MB21D2: variants seen among roughly 807,000 people sequenced by gnomAD.
The protein encoded by MB21D2 is Mab-21 domain containing 2.
MB21D2 carries 9 observed loss-of-function variants against 33.3 expected under a neutral mutation model. The observed-to-expected ratio is 0.27, with a 90% CI of 0.16 to 0.47. The LOEUF (loss-of-function observed/expected upper bound fraction) is 0.47, where lower values mean the gene tolerates loss of function less well. Ranked by LOEUF, MB21D2 falls within the 20% of genes least tolerant of loss-of-function variation. The pLI, the probability that MB21D2 is intolerant of heterozygous loss-of-function variation, is 0.99. For missense variants in MB21D2, 540 were observed against 624.6 expected, an observed-to-expected ratio of 0.86 and a Z score of 1.44; for synonymous variants, 241 against 236.3, an observed-to-expected ratio of 1.02 and a Z score of -0.18.
At chr3:192,822,017 C>G (rs137972772) in intron 1 of MB21D2, among the ~76,000 whole-genome samples, 1 of 152,240 alleles carries the variant, frequency 6.6e-6, no homozygotes, top group African/African-American at 2.4e-5. Context: ...ACCTGTGAAC[C>G]CAGGCATTAT....
chr3:192,799,967 A>C lies in MB21D2; in HGVS notation c.212-317T>G, dbSNP rs1168583780. On this transcript the variant is annotated intron_variant, in intron 1 of 1. Transcript: ENST00000392452. This position sits in a 1 kb window ranked among gnomAD's most constrained non-coding sequence, Gnocchi z 4.1. ...GGAATTGCCATCCACTCAGTTATGC[A>C]GACTGAAAACCTCAGTACATTTCAA... is the stretch of plus-strand genomic sequence containing the variant. Among the ~76,000 whole-genome samples the C allele has an allele frequency of 6.6e-6, 1 of 152,208 alleles. No homozygotes were observed. The highest frequency in any genetic ancestry group is 2.4e-5 in the African/African-American group (1 of 41,456).
intron 1 of MB21D2, among the ~76,000 whole-genome samples, chr3:192,907,307 C>T (rs548480037): frequency 6.6e-6 from 1 of 151,878 alleles, no homozygotes; most frequent in East Asian, 1.9e-4. Flanking sequence ...ACTCATTCCA[C>T]TCTCAGTCAG....
chr3:192,827,118 G>A (rs544788483), intron 1 of MB21D2, among the ~76,000 whole-genome samples: 8 of 151,902 alleles, frequency 5.3e-5, no homozygotes, highest in African/African-American at 1.9e-4. Context: ...GGATGGTCTC[G>A]ATCTCCTGAC....
At chr3:192,900,111 C>T (rs1410271646) in intron 1 of MB21D2, among the ~76,000 whole-genome samples, 3 of 151,548 alleles carry the variant, frequency 2.0e-5, no homozygotes, top group Admixed American at 6.6e-5. Flanking sequence ...AGTGAAACCC[C>T]GTCTCTACTA....
At chr3:192,847,001 C>A (rs1386182741) in intron 1 of MB21D2, among the ~76,000 whole-genome samples, 1 of 152,138 alleles carries the variant, frequency 6.6e-6, no homozygotes, top group Non-Finnish European at 1.5e-5. Context: ...TATCTACAGG[C>A]AGCAATTAGA....
intron 1 of MB21D2, among the ~76,000 whole-genome samples, chr3:192,826,540 T>A (rs1292281768): frequency 6.6e-6 from 1 of 152,240 alleles, no homozygotes; most frequent in African/African-American, 2.4e-5. Flanking sequence ...CAAGTGAAGA[T>A]GGAAAACCTA....
intron 1 of MB21D2, among the ~76,000 whole-genome samples, chr3:192,871,384 C>T (rs1425920408): frequency 6.6e-6 from 1 of 152,096 alleles, no homozygotes; most frequent in African/African-American, 2.4e-5. Flanking sequence ...TTCAATTTTT[C>T]AGCAAATCTC....
intron 1 of MB21D2, among the ~76,000 whole-genome samples, chr3:192,822,163 A>G (rs1712073745): frequency 1.3e-5 from 2 of 151,510 alleles, no homozygotes; most frequent in South Asian, 2.1e-4. Flanking sequence ...ACAAACAAGC[A>G]TAACAGTCCA....
intron 1 of MB21D2, among the ~76,000 whole-genome samples, chr3:192,865,331 C>T (rs1307832025): frequency 6.6e-6 from 1 of 152,138 alleles, no homozygotes. Context: ...CCAAGATTAG[C>T]CCTCAGTCTC....
chr3:192,849,229 A>T (rs767553936), intron 1 of MB21D2, among the ~76,000 whole-genome samples: 12 of 145,466 alleles, frequency 8.2e-5, no homozygotes, highest in African/African-American at 2.8e-4. Flanking sequence ...AACCTTCCGA[A>T]TTCTGTACTG....
At chr3:192,885,867 G>T (rs545758081) in intron 1 of MB21D2, among the ~76,000 whole-genome samples, 1 of 152,074 alleles carries the variant, frequency 6.6e-6, no homozygotes, top group African/African-American at 2.4e-5. Context: ...AACAGAAAGC[G>T]TATTCAAATT....
At chr3:192,908,307 C>T (rs2108654852) in intron 1 of MB21D2, among the ~76,000 whole-genome samples, 1 of 152,106 alleles carries the variant, frequency 6.6e-6, no homozygotes, top group Non-Finnish European at 1.5e-5. Context: ...GATAAATAAG[C>T]CAGGTATTCT....
intron 1 of MB21D2, among the ~76,000 whole-genome samples, chr3:192,905,483 A>G (rs1218586787): frequency 1.3e-5 from 2 of 151,826 alleles, no homozygotes; most frequent in Admixed American, 6.6e-5. Context: ...CTAAAAATAC[A>G]ATAATTAGCC....
At chr3:192,893,988 T>C (rs1048100889) in intron 1 of MB21D2, among the ~76,000 whole-genome samples, 39 of 152,102 alleles carry the variant, frequency 2.6e-4, no homozygotes, top group African/African-American at 8.7e-4. Context: ...TGAGCTATGA[T>C]TGTGCCACTG....
At chr3:192,895,785 T>G (rs1176011683) in intron 1 of MB21D2, among the ~76,000 whole-genome samples, 1 of 152,064 alleles carries the variant, frequency 6.6e-6, no homozygotes, top group East Asian at 1.9e-4. Context: ...CCGGCTGGAG[T>G]GCAGTGGCAC....
At chr3:192,911,656 T>C (rs1035597616) in intron 1 of MB21D2, among the ~76,000 whole-genome samples, 2 of 150,512 alleles carry the variant, frequency 1.3e-5, no homozygotes, top group African/African-American at 4.8e-5. Flanking sequence ...CTGTGAGCAA[T>C]GTATTATCCA....
At chr3:192,876,270 C>A (rs1397867820) in intron 1 of MB21D2, among the ~76,000 whole-genome samples, 1 of 152,216 alleles carries the variant, frequency 6.6e-6, no homozygotes, top group African/African-American at 2.4e-5. Context: ...GACTCCACCA[C>A]CCGTTCTTGC....
chr3:192,910,566 G>C (rs569287291), intron 1 of MB21D2, among the ~76,000 whole-genome samples: 2 of 152,230 alleles, frequency 1.3e-5, no homozygotes, highest in Non-Finnish European at 2.9e-5. Context: ...AAAGAAGCTA[G>C]GAAAACATCA....
chr3:192,859,739 C>T (rs1712996801), intron 1 of MB21D2, among the ~76,000 whole-genome samples: 1 of 152,132 alleles, frequency 6.6e-6, no homozygotes, highest in Admixed American at 6.5e-5. Context: ...AAGAAGACAC[C>T]ATTTGAAATC....
Sources: gnomAD v4.1 joint callset for allele counts (sites outside exome capture counted in the v4.1 genomes callset) on GRCh38, gnomAD v4.1.1 for gene constraint, Gnocchi (gnomAD v3.1) non-coding constraint, MANE v1.5 for transcripts, NCBI Gene and HGNC (gene_info 2026-07-23, HGNC 2026-07-21) for gene names.